DPP10: variants seen among roughly 807,000 people sequenced by gnomAD.
DPP10 encodes inactive dipeptidyl peptidase 10.
Under a neutral mutation model 120.9 loss-of-function variants are expected in DPP10, and 33 were observed. That is an observed-to-expected ratio of 0.27 (90% CI 0.21 to 0.37). The LOEUF is 0.37. Among genes scored for constraint, DPP10 ranks in the 10% least tolerant of loss-of-function variants. The pLI, the probability that DPP10 is intolerant of heterozygous loss-of-function variation, is 1.00. For synonymous variants in DPP10, 337 were observed against 326.1 expected, an observed-to-expected ratio of 1.03 and a Z score of -0.36; for missense variants, 816 against 942.8, an observed-to-expected ratio of 0.87 and a Z score of 1.76.
intron 5 of DPP10, among the ~76,000 whole-genome samples, chr2:115,548,662 G>A (rs1181417696): frequency 6.6e-6 from 1 of 152,166 alleles, no homozygotes; most frequent in Non-Finnish European, 1.5e-5. Flanking sequence ...AATGATGGAT[G>A]AGGAAGGAGT....
At chr2:114,506,504 C>T (rs1195069043) in intron 1 of DPP10, among the ~76,000 whole-genome samples, 1 of 152,174 alleles carries the variant, frequency 6.6e-6, no homozygotes, top group African/African-American at 2.4e-5. Context: ...ACTGACCTTC[C>T]ACTGAGCTTT....
intron 1 of DPP10, among the ~76,000 whole-genome samples, chr2:115,069,050 G>C (rs1707153740): frequency 6.6e-6 from 1 of 152,032 alleles, no homozygotes. Context: ...TGGAACTTTT[G>C]TGGTTTCATA....
At chr2:115,244,164 A>T (rs1183759535) in intron 1 of DPP10, among the ~76,000 whole-genome samples, 2 of 149,588 alleles carry the variant, frequency 1.3e-5, no homozygotes, top group Non-Finnish European at 3.0e-5. Flanking sequence ...TTAGTTCCAG[A>T]ACTGAAAATA....
chr2:115,100,909 A>T (rs1054718072), intron 1 of DPP10, among the ~76,000 whole-genome samples: 5 of 152,130 alleles, frequency 3.3e-5, no homozygotes, highest in African/African-American at 4.8e-5. Flanking sequence ...ATCTTGGGCC[A>T]CTTTTCTTTC....
chr2:115,330,438 AT>A (rs1420542025), intron 2 of DPP10, among the ~76,000 whole-genome samples: 1 of 151,378 alleles, frequency 6.6e-6, no homozygotes, highest in African/African-American at 2.4e-5. Flanking sequence ...CTTTAGTTTA[AT>A]TAGATCCCAT....
intron 25 of DPP10, among the ~76,000 whole-genome samples, chr2:115,841,548 A>C (rs1690146930): frequency 6.6e-6 from 1 of 152,210 alleles, no homozygotes; most frequent in Non-Finnish European, 1.5e-5. Flanking sequence ...GTTTAGGATA[A>C]TGAAATATGA....
chr2:115,610,473 G>GATA (rs2084016329), intron 5 of DPP10, among the ~76,000 whole-genome samples: 1 of 137,708 alleles, frequency 7.3e-6, no homozygotes, highest in African/African-American at 2.8e-5. Flanking sequence ...TGAAGGCTAT[G>GATA]TACCACAAGC....
intron 1 of DPP10, among the ~76,000 whole-genome samples, chr2:114,964,091 A>G (rs1222841732): frequency 6.6e-6 from 1 of 152,160 alleles, no homozygotes; most frequent in Middle Eastern, 3.2e-3. Flanking sequence ...CAAGTAATAT[A>G]TTTGATTGCC....
chr2:115,820,358 T>C (rs1215862729), intron 21 of DPP10, among the ~76,000 whole-genome samples: 1 of 152,186 alleles, frequency 6.6e-6, no homozygotes, highest in Non-Finnish European at 1.5e-5. Flanking sequence ...TGATCCTGAT[T>C]AGCCATTTTA....
At chr2:114,637,032 C>T (rs1695353582) in intron 1 of DPP10, among the ~76,000 whole-genome samples, 1 of 151,858 alleles carries the variant, frequency 6.6e-6, no homozygotes, top group Admixed American at 6.6e-5. Flanking sequence ...TTGTACTTTT[C>T]TTAATTCTTT....
chr2:114,801,680 C>G (rs1378953123), intron 1 of DPP10, among the ~76,000 whole-genome samples: 1 of 152,166 alleles, frequency 6.6e-6, no homozygotes, highest in Non-Finnish European at 1.5e-5. Flanking sequence ...TAATATTTCT[C>G]TTCAGTAGAA....
At chr2:114,837,593 AT>A (rs1247508133) in intron 1 of DPP10, among the ~76,000 whole-genome samples, 1 of 152,092 alleles carries the variant, frequency 6.6e-6, no homozygotes, top group Non-Finnish European at 1.5e-5. Flanking sequence ...AAAAAAAAAA[AT>A]GTGAAGATCT....
At chr2:115,373,399 A>G (rs1420557199) in intron 3 of DPP10, among the ~76,000 whole-genome samples, 1 of 152,202 alleles carries the variant, frequency 6.6e-6, no homozygotes, top group Non-Finnish European at 1.5e-5. Context: ...AGTGCTCTAC[A>G]GAATGTTAGA....
At chr2:115,733,558 T>C (rs1392952609) in intron 8 of DPP10, among the ~76,000 whole-genome samples, 2 of 149,998 alleles carry the variant, frequency 1.3e-5, no homozygotes, top group Non-Finnish European at 3.0e-5. Flanking sequence ...GACTATTCTT[T>C]CAAGGAATTT....
chr2:114,455,406 G>A (rs184008894), intron 1 of DPP10, among the ~76,000 whole-genome samples: 11 of 152,078 alleles, frequency 7.2e-5, no homozygotes, highest in South Asian at 2.1e-4. Context: ...TTAGCCAGGC[G>A]TGGTGTCTCA....
intron 1 of DPP10, among the ~76,000 whole-genome samples, chr2:114,630,963 G>T (rs1046197198): frequency 6.6e-6 from 1 of 151,988 alleles, no homozygotes. Context: ...CTGTTGCATT[G>T]GTATCTAGTT....
intron 1 of DPP10, among the ~76,000 whole-genome samples, chr2:114,568,187 T>C (rs1689355120): frequency 1.3e-5 from 2 of 152,042 alleles, no homozygotes; most frequent in South Asian, 4.1e-4. Flanking sequence ...TGATACACAC[T>C]ATTTTATATA....
At chr2:115,402,656 G>T (rs1281751319) in intron 3 of DPP10, among the ~76,000 whole-genome samples, 1 of 145,782 alleles carries the variant, frequency 6.9e-6, no homozygotes, top group Non-Finnish European at 1.5e-5. Context: ...AAAAAAAAAA[G>T]TCTTCCACTG....
chr2:115,568,437 TG>T (rs964546239), intron 5 of DPP10, among the ~76,000 whole-genome samples: 1 of 151,990 alleles, frequency 6.6e-6, no homozygotes, highest in Admixed American at 6.6e-5. Flanking sequence ...GAGCCAAGAT[TG>T]CGCCACTGCA....
Sources: allele counts gnomAD v4.1 joint callset (sites outside exome capture counted in the v4.1 genomes callset), GRCh38; gene constraint gnomAD v4.1.1; transcripts MANE v1.5; gene names NCBI Gene and HGNC (gene_info 2026-07-23, HGNC 2026-07-21).